Variants in STARD3NL observed in about 807,000 individuals in gnomAD.
STARD3NL encodes STARD3 N-terminal like.
STARD3NL carries 17 observed loss-of-function variants against 30.9 expected under a neutral mutation model. The ratio of observed to expected loss-of-function variants is 0.55; its 90% confidence interval spans 0.38 to 0.82. STARD3NL has a LOEUF of 0.82. Ranked by LOEUF, STARD3NL falls within the 40% of genes least tolerant of loss-of-function variation. STARD3NL has a pLI of 0.00. For synonymous variants in STARD3NL, 112 were observed against 100.5 expected (o/e 1.11, Z -0.69); for missense variants, 234 against 277.6 (o/e 0.84, Z 1.12).
chr7:38,214,977 G>A, intron 3 of STARD3NL, 51 bp from the exon 4 acceptor site: 1 of 1,526,634 alleles, frequency 6.6e-7, no homozygotes, highest in Middle Eastern at 1.7e-4. Context: ...ATAAAGCTGT[G>A]TCATTTTTGT....
At chr7:38,213,878 C>T (rs956705399) in intron 2 of STARD3NL, among the ~76,000 whole-genome samples, 2 of 151,950 alleles carry the variant, frequency 1.3e-5, no homozygotes, top group Admixed American at 1.3e-4. Flanking sequence ...AATGAGAAAC[C>T]ACAGAGAATG....
intron 1 of STARD3NL, among the ~76,000 whole-genome samples, chr7:38,195,089 G>A (rs1045858829): frequency 3.9e-5 from 6 of 151,990 alleles, no homozygotes; most frequent in Non-Finnish European, 8.8e-5. Flanking sequence ...ACTGAGTCTT[G>A]CTCTGTAGAC....
intron 1 of STARD3NL, among the ~76,000 whole-genome samples, chr7:38,187,233 G>A (rs1342562140): frequency 6.6e-6 from 1 of 152,118 alleles, no homozygotes; most frequent in Admixed American, 6.5e-5. Flanking sequence ...CAACATTACT[G>A]GGCAGCTGTG....
At chr7:38,222,051 G>A (rs1379572741) in intron 7 of STARD3NL, among the ~76,000 whole-genome samples, 1 of 152,034 alleles carries the variant, frequency 6.6e-6, no homozygotes, top group Non-Finnish European at 1.5e-5. Context: ...ACTGCCTTCA[G>A]CGCTGACCTG....
intron 1 of STARD3NL, among the ~76,000 whole-genome samples, chr7:38,191,013 A>T (rs1784665186): frequency 6.6e-6 from 1 of 152,180 alleles, no homozygotes; most frequent in Non-Finnish European, 1.5e-5. Context: ...CATGGTTCAG[A>T]TGGTGACTGC....
At chr7:38,202,888 A>G (rs1438319857) in intron 1 of STARD3NL, among the ~76,000 whole-genome samples, 4 of 151,520 alleles carry the variant, frequency 2.6e-5, no homozygotes, top group African/African-American at 4.9e-5. Flanking sequence ...CCATGTCCCT[A>G]CAAAGGACAT....
intron 1 of STARD3NL, chr7:38,198,227 C>G (rs1785014157): frequency 6.6e-6 from 1 of 152,142 alleles, no homozygotes; most frequent in Non-Finnish European, 1.5e-5. Flanking sequence ...CCATGTAGGC[C>G]CCACCGTTTT....
In STARD3NL at chr7:38,203,025, A is replaced by C. The variant is rs1192232834; in HGVS notation, c.-58-4422A>C. ...TCTTTGCTATTGTGAATAGTGCTGC[A>C]ATAAACATACATGTGCAAGTTGGAA... On this transcript the variant is annotated intron_variant, in intron 1 of 8. Transcript: ENST00000009041. Among the ~76,000 whole-genome samples the C allele has an allele frequency of 4.1e-5, 5 of 122,214 alleles. No homozygotes were observed. The East Asian group carries it at 1.3e-3, about 32-fold the overall frequency. 80.2% of individuals were successfully genotyped at this position (122,214 alleles called of 152,430 possible). A position where few individuals can be genotyped will look rare whatever the true frequency, so the allele number is the denominator to read the frequency against.
At chr7:38,193,338 G>A (rs564904016) in intron 1 of STARD3NL, among the ~76,000 whole-genome samples, 6 of 152,018 alleles carry the variant, frequency 3.9e-5, no homozygotes, top group African/African-American at 1.4e-4. Flanking sequence ...TCGCTCTGTC[G>A]CTCAGGCTGG....
chr7:38,214,994 T>G, intron 3 of STARD3NL, 34 bp from the exon 4 acceptor site: 1 of 1,586,604 alleles, frequency 6.3e-7, no homozygotes, highest in Non-Finnish European at 8.6e-7. Flanking sequence ...TTGTATATAT[T>G]TTTTAAAACA....
intron 6 of STARD3NL, among the ~76,000 whole-genome samples, chr7:38,218,321 C>A (rs1314712270): frequency 6.6e-6 from 1 of 152,098 alleles, no homozygotes; most frequent in Non-Finnish European, 1.5e-5. Context: ...TTTGGAAAAT[C>A]TCATTTACAT....
intron 4 of STARD3NL, 73 bp downstream of exon 4, chr7:38,215,178 G>A (rs1451379091): frequency 8.5e-6 from 12 of 1,419,518 alleles, no homozygotes; most frequent in East Asian, 2.3e-5. Flanking sequence ...ACAGGCCTGG[G>A]CTGGGAGAAG....
At chr7:38,229,402 G>A (rs755802159) in intron 8 of STARD3NL, among the ~76,000 whole-genome samples, 3 of 152,236 alleles carry the variant, frequency 2.0e-5, no homozygotes, top group Non-Finnish European at 4.4e-5. Flanking sequence ...GATGAAAGCT[G>A]CTGTACATCC....
intron 1 of STARD3NL, among the ~76,000 whole-genome samples, chr7:38,204,333 A>T (rs1448366865): frequency 6.6e-6 from 1 of 152,228 alleles, no homozygotes; most frequent in African/African-American, 2.4e-5. Context: ...GAAGAAACTC[A>T]CTCAAAACCG....
intron 6 of STARD3NL, among the ~76,000 whole-genome samples, chr7:38,218,785 G>C (rs138819776): frequency 6.6e-6 from 1 of 152,102 alleles, no homozygotes; most frequent in Non-Finnish European, 1.5e-5. Flanking sequence ...AGCTGTCCAC[G>C]TCCTGCTTTC....
chr7:38,225,584 A>G, intron 7 of STARD3NL, among the ~76,000 whole-genome samples: 1 of 48,802 alleles, frequency 2.0e-5, no homozygotes, highest in Non-Finnish European at 5.3e-5. Flanking sequence ...AGTTCTTGAA[A>G]AGACAACCTT....
intron 1 of STARD3NL, among the ~76,000 whole-genome samples, chr7:38,182,007 T>G (rs1784268615): frequency 6.6e-6 from 1 of 152,218 alleles, no homozygotes; most frequent in South Asian, 2.1e-4. Flanking sequence ...AACAGAAGCC[T>G]TCTTTTCTCA....
chr7:38,199,282 G>C (rs1274245625), intron 1 of STARD3NL, among the ~76,000 whole-genome samples: 1 of 152,144 alleles, frequency 6.6e-6, no homozygotes, highest in African/African-American at 2.4e-5. Flanking sequence ...ACCCCGGATT[G>C]AATATTTAAT....
At chr7:38,214,486 C>A in intron 3 of STARD3NL, 52 bp downstream of exon 3, 2 of 1,155,126 alleles carry the variant, frequency 1.7e-6, no homozygotes, top group Non-Finnish European at 2.5e-6. Flanking sequence ...ACCCAAAAGG[C>A]AGATTTCCTC....
Sources: allele counts gnomAD v4.1 joint callset (sites outside exome capture counted in the v4.1 genomes callset), GRCh38; gene constraint gnomAD v4.1.1; transcripts MANE v1.5; gene names NCBI Gene and HGNC (gene_info 2026-07-23, HGNC 2026-07-21).